Variants in CMC1 observed in about 807,000 individuals in gnomAD.
CMC1 encodes the protein COX assembly mitochondrial protein homolog.
CMC1 carries 14 observed loss-of-function variants against 14.1 expected under a neutral mutation model. That is an observed-to-expected ratio of 0.99 (90% CI 0.66 to 1.55). The LOEUF (loss-of-function observed/expected upper bound fraction) is 1.55. CMC1 is among the 40% of genes most tolerant of loss of function. The pLI, the probability that CMC1 is intolerant of heterozygous loss-of-function variation, is 0.00. For synonymous variants in CMC1, 50 were observed against 38.4 expected, an observed-to-expected ratio of 1.30 and a Z score of -1.12; for missense variants, 127 against 123.8, an observed-to-expected ratio of 1.03 and a Z score of -0.12.
At chr3:28,267,338 C>G (rs1323541532) in intron 2 of CMC1, among the ~76,000 whole-genome samples, 2 of 152,050 alleles carry the variant, frequency 1.3e-5, no homozygotes, top group Admixed American at 6.6e-5. Context: ...GCTATAAAGT[C>G]TCTATATTGG....
At chr3:28,276,882 G>A (rs1700614885) in intron 2 of CMC1, among the ~76,000 whole-genome samples, 1 of 152,142 alleles carries the variant, frequency 6.6e-6, no homozygotes, top group South Asian at 2.1e-4. Flanking sequence ...AGGGTCTGGG[G>A]ACAGAATTTG....
chr3:28,271,379 TA>T (rs1700277708), intron 2 of CMC1, among the ~76,000 whole-genome samples: 2 of 152,300 alleles, frequency 1.3e-5, no homozygotes, highest in African/African-American at 4.8e-5. Flanking sequence ...AATTTTTGTA[TA>T]AGGTGTAAGG....
chr3:28,246,954 A>G (rs907996635), intron 1 of CMC1, among the ~76,000 whole-genome samples: 3 of 151,964 alleles, frequency 2.0e-5, no homozygotes, highest in African/African-American at 7.3e-5. Flanking sequence ...TCATTGATTT[A>G]TGAATTTATT....
chr3:28,310,419 G>C (rs2125599038), intron 2 of CMC1, among the ~76,000 whole-genome samples: 1 of 152,266 alleles, frequency 6.6e-6, no homozygotes, highest in East Asian at 1.9e-4. Context: ...GAATAAATGA[G>C]AAAATACTTA....
At chr3:28,242,429 AATAG>A (rs1698575667) in intron 1 of CMC1, among the ~76,000 whole-genome samples, 1 of 152,170 alleles carries the variant, frequency 6.6e-6, no homozygotes, top group African/African-American at 2.4e-5. Flanking sequence ...TTTGCAAGGG[AATAG>A]ATAACATTTT....
rs1236569717 is a variant in CMC1, at chr3:28,323,359, T to A, written c.*3730T>A. 1 of 150,438 alleles carries A rather than the reference T, an allele frequency of 6.6e-6. No homozygotes were observed. The highest frequency in any genetic ancestry group is 1.5e-5 in the Non-Finnish European group (1 of 67,002). The allele number at this position is 150,438 out of a possible 1,614,324, so 9.3% of individuals were successfully genotyped here. ...CAGAGTTTTTCAACTATTTCATTTT[T>A]TTTTTTTTTTTTCCCAATTAGGACT... On this transcript the variant is annotated 3_prime_UTR_variant, in exon 4 of 4. Transcript: ENST00000466830.
In CMC1 at chr3:28,324,385, G is replaced by A; in HGVS notation, c.*4756G>A. 6.4e-7 allele frequency: 1 copy of A among 1,562,986 alleles called. No individual in the cohort carries two copies. The highest frequency in any genetic ancestry group is 8.7e-7 in the Non-Finnish European group (1 of 1,154,230). On this transcript the variant is annotated 3_prime_UTR_variant, in exon 4 of 4. Transcript: ENST00000466830. Reference sequence around the variant, plus strand: ...AGGGGGATGTCTTGTGTATGTTGCAGTAAAATTCATCAAGTGCAGTTTTGT... The same window carrying A: ...AGGGGGATGTCTTGTGTATGTTGCAATAAAATTCATCAAGTGCAGTTTTGT...
At chr3:28,292,316 G>A (rs1701513556) in intron 2 of CMC1, among the ~76,000 whole-genome samples, 1 of 152,126 alleles carries the variant, frequency 6.6e-6, no homozygotes. Flanking sequence ...ACAATATCTT[G>A]CAGTTTTACC....
rs1156241309 is a variant in CMC1, at chr3:28,241,799, G to T, written c.6G>T (p.Ala2=). 4.0e-6 allele frequency: 5 copies of T among 1,240,102 alleles called. No homozygotes were observed. Among genetic ancestry groups the T allele is most frequent in the Non-Finnish European group, 5.1e-6 (5 of 988,138 alleles). 76.8% of individuals were successfully genotyped at this position (1,240,102 alleles called of 1,614,324 possible). A position where few individuals can be genotyped will look rare whatever the true frequency, so the allele number is the denominator to read the frequency against. The part of the protein sequence containing the change: M[A]LDPADQHLRH... ...GTTCTTCTCGGCCCGCCGAGATGGCGCTCGACCCCGCAGGTACCGGGGCGG... is the reference window on the plus strand; with the variant it reads ...GTTCTTCTCGGCCCGCCGAGATGGCTCTCGACCCCGCAGGTACCGGGGCGG... The change falls in exon 1 of 4, where the codon GCG becomes GCT. Residue 2 remains alanine, a synonymous_variant. Transcript: ENST00000466830.
At chr3:28,262,393 T>G (rs980273527) in intron 1 of CMC1, among the ~76,000 whole-genome samples, 2 of 152,122 alleles carry the variant, frequency 1.3e-5, no homozygotes, top group African/African-American at 2.4e-5. Flanking sequence ...TCTGGTCTTT[T>G]GGGGATAAAT....
chr3:28,298,221 A>G (rs1701843574), intron 2 of CMC1: 1 of 151,322 alleles, frequency 6.6e-6, no homozygotes, highest in Non-Finnish European at 1.5e-5. Flanking sequence ...ATCTGTAGGT[A>G]ACTCATATGG....
chr3:28,289,083 T>G (rs965102221), intron 2 of CMC1, among the ~76,000 whole-genome samples: 11 of 151,620 alleles, frequency 7.3e-5, no homozygotes, highest in Non-Finnish European at 1.3e-4. Context: ...TTTAAATATA[T>G]TTTTAAAATT....
chr3:28,277,154 A>G (rs1700625612), intron 2 of CMC1, among the ~76,000 whole-genome samples: 1 of 152,184 alleles, frequency 6.6e-6, no homozygotes, highest in Non-Finnish European at 1.5e-5. Context: ...ATGATTTCTT[A>G]TGATTTATTC....
chr3:28,272,972 A>G (rs1700376212), intron 2 of CMC1, among the ~76,000 whole-genome samples: 1 of 152,178 alleles, frequency 6.6e-6, no homozygotes, highest in Non-Finnish European at 1.5e-5. Context: ...GGTGTGAGCC[A>G]CCACGCCCAG....
intron 2 of CMC1, among the ~76,000 whole-genome samples, chr3:28,309,383 A>C (rs1257948537): frequency 6.6e-6 from 1 of 152,124 alleles, no homozygotes; most frequent in Non-Finnish European, 1.5e-5. Context: ...TGTGTTATGT[A>C]AAACAGTGCT....
rs1703163379 is a variant in CMC1, at chr3:28,320,817, A to G, written c.*1188A>G. ...TTTAATAATTTGAGCTTTTATATTA[A>G]AAGTTATTTTTTCCCCATGAGCTGT... On this transcript the variant is annotated 3_prime_UTR_variant, in exon 4 of 4. Coordinates refer to ENST00000466830, the MANE Select transcript of CMC1 (RefSeq NM_182523.2). 1 of 142,740 alleles carries G rather than the reference A, an allele frequency of 7.0e-6. No homozygotes were observed. The highest frequency in any genetic ancestry group is 2.4e-5 in the African/African-American group (1 of 40,890). 8.8% of individuals were successfully genotyped at this position (142,740 alleles called of 1,614,324 possible).
chr3:28,300,662 C>CCTTTCCCTCT (rs1701989808), intron 2 of CMC1, among the ~76,000 whole-genome samples: 2 of 105,004 alleles, frequency 1.9e-5, no homozygotes, highest in South Asian at 7.9e-4. Flanking sequence ...CCTTTCCCTC[C>CCTTTCCCTCT]CTTTCCCTCC....
chr3:28,261,055 A>G (rs903060763), intron 1 of CMC1, among the ~76,000 whole-genome samples: 2 of 152,180 alleles, frequency 1.3e-5, no homozygotes, highest in African/African-American at 2.4e-5. Flanking sequence ...AGAGTATTCT[A>G]TAAATGTTAG....
intron 2 of CMC1, among the ~76,000 whole-genome samples, chr3:28,295,747 C>G (rs893369313): frequency 6.6e-6 from 1 of 151,966 alleles, no homozygotes; most frequent in African/African-American, 2.4e-5. Context: ...ATACAGTTTC[C>G]CTCGGTATCC....
Sources: allele counts gnomAD v4.1 joint callset (sites outside exome capture counted in the v4.1 genomes callset), GRCh38; gene constraint gnomAD v4.1.1; transcripts MANE v1.5; gene names NCBI Gene and HGNC (gene_info 2026-07-23, HGNC 2026-07-21).